The following THNSL1 variants were observed in gnomAD, a reference collection of about 807,000 sequenced individuals.
The protein encoded by THNSL1 is threonine synthase like 1.
In THNSL1, 48 loss-of-function variants were observed where a neutral mutation model predicts 50.4. The ratio of observed to expected loss-of-function variants is 0.95; its 90% CI spans 0.76 to 1.21. The LOEUF (loss-of-function observed/expected upper bound fraction) is 1.21, where lower values mean the gene tolerates loss of function less well. Ranked by LOEUF, THNSL1 falls within the 50% of genes most tolerant of loss-of-function variation. The pLI is 0.00. For missense variants in THNSL1, 896 were observed against 871.7 expected (o/e 1.03, Z -0.35); for synonymous variants, 309 against 306.1 (o/e 1.01, Z -0.10).
chr10:25,016,092 CT>C, upstream of THNSL1: 1 of 1,328,108 alleles, frequency 7.5e-7, no homozygotes. Context: ...TTAACCCCCT[CT>C]TAGCAGTCCT....
the THNSL1 span, among the ~76,000 whole-genome samples, chr10:24,972,005 A>C: frequency 2.0e-5 from 3 of 152,008 alleles, no homozygotes; most frequent in Non-Finnish European, 4.4e-5. Context: ...AGCCTGGCCA[A>C]CATGGTGAAA....
intron 1 of THNSL1, among the ~76,000 whole-genome samples, chr10:25,018,424 T>C (rs11598879): frequency 0.25 from 38,400 of 152,156 alleles, 5,742 homozygotes; most frequent in East Asian, 0.5. Flanking sequence ...TTCAGGCCTT[T>C]TTAGGCCAAG....
At chr10:25,017,057 T>A (rs1850609275) in intron 1 of THNSL1, among the ~76,000 whole-genome samples, 1 of 152,072 alleles carries the variant, frequency 6.6e-6, no homozygotes, top group African/African-American at 2.4e-5. Context: ...CCTTGGGCGG[T>A]CCTCCGGGTC....
the THNSL1 span, among the ~76,000 whole-genome samples, chr10:24,980,778 G>A: frequency 5.5e-3 from 842 of 152,186 alleles, 9 homozygotes; most frequent in African/African-American, 0.016. Flanking sequence ...GTGCAGTGGC[G>A]CCATCTTGGT....
chr10:25,023,955 G>A lies in THNSL1; in HGVS notation c.732G>A (p.Gln244=), dbSNP rs746994002. Residue 244 remains glutamine (Q), a synonymous_variant, in exon 3 of 3, where the codon CAG becomes CAA. Transcript: ENST00000376356. The part of the protein sequence containing the change: ...TRHVWPEDCE[Q]KVSAKFFSEA... ...ACGTTTGGCCTGAAGACTGTGAACAGAAGGTTTCAGCAAAATTCTTTAGTG... is the reference window on the plus strand; with the variant it reads ...ACGTTTGGCCTGAAGACTGTGAACAAAAGGTTTCAGCAAAATTCTTTAGTG... The A allele has an allele frequency of 6.2e-7, 1 of 1,614,212 alleles. No individual in the cohort carries two copies. Among genetic ancestry groups the A allele is most frequent in the South Asian group, 1.1e-5 (1 of 91,090 alleles).
In THNSL1 at chr10:25,025,421, A is replaced by G. The variant is rs752099525; in HGVS notation, c.2198A>G (p.His733Arg). The G allele has an allele frequency of 8.7e-6, 14 of 1,610,426 alleles. No homozygotes were observed. Among genetic ancestry groups the G allele is most frequent in the Non-Finnish European group, 1.2e-5 (14 of 1,178,742 alleles). The part of the protein sequence containing the change: ...CAADMNVLKS[H>R]VEQLVQNQFI ...GCTGATATGAATGTCTTGAAGAGTCATGTGGAACAACTTGTCCAAAATCAA... is the reference window on the plus strand; with the variant it reads ...GCTGATATGAATGTCTTGAAGAGTCGTGTGGAACAACTTGTCCAAAATCAA... Residue 733 changes from histidine to arginine, a missense_variant, in exon 3 of 3, where the codon CAT (histidine) becomes CGT (arginine). Coordinates refer to ENST00000376356, the MANE Select transcript of THNSL1 (RefSeq NM_024838.5).
the THNSL1 span, chr10:24,999,500 C>T: frequency 1.9e-6 from 3 of 1,612,648 alleles, no homozygotes; most frequent in Admixed American, 3.3e-5. Context: ...GCAGTTTTAG[C>T]TTTTTGCATG....
chr10:25,007,818 T>C, the THNSL1 span, among the ~76,000 whole-genome samples: 2 of 152,124 alleles, frequency 1.3e-5, no homozygotes, highest in Non-Finnish European at 2.9e-5. Context: ...TGTTCCTTGC[T>C]GAAAAAAATC....
At chr10:24,992,322 A>C in the THNSL1 span, among the ~76,000 whole-genome samples, 3 of 152,310 alleles carry the variant, frequency 2.0e-5, 1 homozygote, top group South Asian at 6.2e-4. Flanking sequence ...AGAAAATAAT[A>C]GGGGCTATTT....
the THNSL1 span, among the ~76,000 whole-genome samples, chr10:24,962,215 CATGTT>C: frequency 6.6e-6 from 1 of 152,176 alleles, no homozygotes; most frequent in South Asian, 2.1e-4. Context: ...TCGTTCTATA[CATGTT>C]ATATCATATA....
At chr10:24,959,659 G>A in the THNSL1 span, among the ~76,000 whole-genome samples, 2 of 151,988 alleles carry the variant, frequency 1.3e-5, no homozygotes, top group African/African-American at 4.8e-5. Flanking sequence ...AAAATGCAAT[G>A]TAATGCAACG....
At chr10:25,016,399 G>A (rs1850573954), upstream of THNSL1, among the ~76,000 whole-genome samples, 1 of 152,240 alleles carries the variant, frequency 6.6e-6, no homozygotes, top group African/African-American at 2.4e-5. Context: ...ACGGCAAAGC[G>A]CAGCTGGTGC....
At chr10:25,016,198 G>T, upstream of THNSL1, 1 of 1,172,300 alleles carries the variant, frequency 8.5e-7, no homozygotes, top group Non-Finnish European at 1.1e-6. Flanking sequence ...ACGAGGAAGT[G>T]GCAGGCAGCA....
At chr10:25,022,904 C>G (rs1456242532) in intron 2 of THNSL1, among the ~76,000 whole-genome samples, 2 of 152,022 alleles carry the variant, frequency 1.3e-5, no homozygotes, top group Admixed American at 6.6e-5. Flanking sequence ...TTTGTGAATA[C>G]AAGTTTCTGT....
the THNSL1 span, among the ~76,000 whole-genome samples, chr10:25,005,195 T>G: frequency 6.6e-6 from 1 of 152,200 alleles, no homozygotes; most frequent in African/African-American, 2.4e-5. Context: ...GGCAGTGTCA[T>G]GGATAATTGG....
At chr10:24,971,784 G>A in the THNSL1 span, among the ~76,000 whole-genome samples, 2 of 152,178 alleles carry the variant, frequency 1.3e-5, no homozygotes, top group African/African-American at 4.8e-5. Context: ...CTATCAACCA[G>A]GGGGCAGTTG....
At chr10:24,968,162 G>A in the THNSL1 span, among the ~76,000 whole-genome samples, 1 of 152,072 alleles carries the variant, frequency 6.6e-6, no homozygotes, top group Non-Finnish European at 1.5e-5. Context: ...AAGAGCTTGG[G>A]CTATCATTCC....
chr10:24,999,579 T>C, the THNSL1 span: 2 of 1,542,910 alleles, frequency 1.3e-6, no homozygotes, highest in Non-Finnish European at 1.8e-6. Flanking sequence ...GTAGCATTTA[T>C]ACTTCTAGTA....
chr10:24,969,646 ACTT>A, the THNSL1 span, among the ~76,000 whole-genome samples: 6,914 of 152,286 alleles, frequency 0.045, 467 homozygotes, highest in African/African-American at 0.15. Flanking sequence ...CAAAACGGCT[ACTT>A]AAGTGCTGTC....
Sources: allele counts gnomAD v4.1 joint callset (sites outside exome capture counted in the v4.1 genomes callset), GRCh38; gene constraint gnomAD v4.1.1; transcripts MANE v1.5; gene names NCBI Gene and HGNC (gene_info 2026-07-23, HGNC 2026-07-21).